Variants in DAB1 observed in about 807,000 individuals in gnomAD.
The protein encoded by DAB1 is disabled homolog 1.
DAB1 carries 15 observed loss-of-function variants against 64.6 expected under a neutral mutation model. The observed-to-expected ratio is 0.23, with a 90% confidence interval of 0.16 to 0.36. The LOEUF is 0.36. Among genes scored for constraint, DAB1 ranks in the 10% least tolerant of loss-of-function variants. The pLI, the probability that DAB1 is intolerant of heterozygous loss-of-function variation, is 1.00. For missense variants in DAB1, 596 were observed against 706.7 expected (o/e 0.84, Z 1.78); for synonymous variants, 235 against 251.9 (o/e 0.93, Z 0.64).
rs1485948692 is a variant in DAB1 at position 58,097,413 on chromosome 1, G to T, written n.387+53098C>A. On this transcript the variant is annotated intron_variant and non_coding_transcript_variant, in intron 5 of 20. Coordinates refer to the DAB1 transcript ENST00000485760. Reference sequence around the variant, plus strand: ...AAAGGTAAGCCATTAATTTTAAGATGATGGTTTAATCACAGTTTTAATGAT... The same window carrying T: ...AAAGGTAAGCCATTAATTTTAAGATTATGGTTTAATCACAGTTTTAATGAT... 2.7e-4 allele frequency among the ~76,000 whole-genome samples: 41 copies of T among 152,174 alleles called. 1 individual carries two copies. Among genetic ancestry groups the T allele is most frequent in the Admixed American group, 2.7e-3 (41 of 15,282 alleles).
At chr1:57,706,401 G>A (rs1160321351) in intron 6 of DAB1, among the ~76,000 whole-genome samples, 1 of 151,874 alleles carries the variant, frequency 6.6e-6, no homozygotes, top group African/African-American at 2.4e-5. Flanking sequence ...AACCTCCCCA[G>A]GCTCAGGTGA....
At chr1:58,147,839 G>T (rs923414454) in intron 5 of DAB1, among the ~76,000 whole-genome samples, 4 of 152,056 alleles carry the variant, frequency 2.6e-5, no homozygotes, top group African/African-American at 9.7e-5. Flanking sequence ...AGTCCATTTT[G>T]CAGTAGAGGA....
chr1:57,928,706 C>T (rs541967331), intron 5 of DAB1, among the ~76,000 whole-genome samples: 4 of 152,278 alleles, frequency 2.6e-5, no homozygotes, highest in Non-Finnish European at 5.9e-5. Flanking sequence ...TCACAAAGTA[C>T]GTAGCCTTTT....
intron 1 of DAB1, among the ~76,000 whole-genome samples, chr1:57,422,750 A>C (rs1311479692): frequency 6.6e-6 from 1 of 152,164 alleles, no homozygotes; most frequent in African/African-American, 2.4e-5. Flanking sequence ...CACGGAGTGA[A>C]ACGTACACAG....
chr1:58,454,135 T>C (rs1161130272), intron 3 of DAB1, among the ~76,000 whole-genome samples: 1 of 152,146 alleles, frequency 6.6e-6, no homozygotes, highest in Non-Finnish European at 1.5e-5. Flanking sequence ...GACTGGGCAT[T>C]CACCTCTGGC....
chr1:57,704,992 AG>A (rs2101736245), intron 6 of DAB1, among the ~76,000 whole-genome samples: 1 of 151,880 alleles, frequency 6.6e-6, no homozygotes, highest in Non-Finnish European at 1.5e-5. Flanking sequence ...CAGGATTAAA[AG>A]TCTGGGAAAA....
intron 7 of DAB1, among the ~76,000 whole-genome samples, chr1:57,439,426 T>TTTTTTTTTTTTTTTGTTTTTTTTTG (rs1685835554): frequency 1.1e-5 from 1 of 94,860 alleles, no homozygotes; most frequent in Non-Finnish European, 2.0e-5. Context: ...AGGTTTTTTC[T>TTTTTTTTTTTTTTTGTTTTTTTTTG]TTTTTTTTTT....
At chr1:57,260,318 T>A (rs1018549201) in intron 2 of DAB1, among the ~76,000 whole-genome samples, 1 of 152,194 alleles carries the variant, frequency 6.6e-6, no homozygotes, top group Non-Finnish European at 1.5e-5. Flanking sequence ...GGGTGCTTAC[T>A]GAGTGTCAGG....
chr1:57,377,834 T>C (rs1681033350), intron 1 of DAB1, among the ~76,000 whole-genome samples: 1 of 152,006 alleles, frequency 6.6e-6, no homozygotes, highest in African/African-American at 2.4e-5. Flanking sequence ...CTAGTAACCC[T>C]GGGGGAGCTG....
chr1:58,166,902 T>C (rs1356240779), intron 4 of DAB1, among the ~76,000 whole-genome samples: 1 of 151,292 alleles, frequency 6.6e-6, no homozygotes, highest in Non-Finnish European at 1.5e-5. Flanking sequence ...TGCACCACCA[T>C]GGGCTGGCTA....
intron 1 of DAB1, among the ~76,000 whole-genome samples, chr1:57,346,509 AT>A (rs1678115205): frequency 6.6e-6 from 1 of 152,190 alleles, no homozygotes; most frequent in South Asian, 2.1e-4. Flanking sequence ...TTCTACTTAT[AT>A]TTTACTTTGT....
exon 3 of DAB1, chr1:58,506,063 A>G: frequency 2.3e-6 from 2 of 866,966 alleles, no homozygotes; most frequent in Non-Finnish European, 2.0e-6. Flanking sequence ...AGCTCACCTG[A>G]GGTATAAGTC....
intron 7 of DAB1, among the ~76,000 whole-genome samples, chr1:57,543,040 T>TAACAGGAG (rs1299526186): frequency 3.3e-5 from 5 of 152,144 alleles, no homozygotes; most frequent in Non-Finnish European, 4.4e-5. Context: ...AGGCATATCC[T>TAACAGGAG]TTAGCCTGGT....
intron 5 of DAB1, among the ~76,000 whole-genome samples, chr1:58,014,880 G>C (rs1020620945): frequency 6.6e-6 from 1 of 152,288 alleles, no homozygotes; most frequent in Non-Finnish European, 1.5e-5. Context: ...ACAAACAAAA[G>C]AAGAAGAAAG....
intron 1 of DAB1, chr1:58,533,835 C>G (rs1418359509): frequency 5.8e-6 from 4 of 688,554 alleles, no homozygotes; most frequent in Non-Finnish European, 1.0e-5. Context: ...AGGCAATTAC[C>G]CAAAACTAAA....
chr1:57,061,358 C>A (rs1325268942), intron 9 of DAB1, among the ~76,000 whole-genome samples: 1 of 152,052 alleles, frequency 6.6e-6, no homozygotes, highest in Non-Finnish European at 1.5e-5. Context: ...GAAAGACTCC[C>A]AACTTGGAGA....
chr1:58,266,568 A>G (rs769581719), intron 4 of DAB1, among the ~76,000 whole-genome samples: 1 of 152,158 alleles, frequency 6.6e-6, no homozygotes, highest in Non-Finnish European at 1.5e-5. Context: ...CTGCCCTCAT[A>G]AAGTTGCAAG....
chr1:57,561,177 C>T (rs1275528693), intron 7 of DAB1, among the ~76,000 whole-genome samples: 1 of 152,168 alleles, frequency 6.6e-6, no homozygotes, highest in African/African-American at 2.4e-5. Flanking sequence ...GGGGAGTTCC[C>T]TATAATCAGT....
chr1:57,853,630 A>G (rs1653629824), intron 1 of DAB1, among the ~76,000 whole-genome samples: 1 of 152,246 alleles, frequency 6.6e-6, no homozygotes, highest in African/African-American at 2.4e-5. Context: ...ACTAAAATCA[A>G]TGGATCAATT....
Sources: gnomAD v4.1 joint callset for allele counts (sites outside exome capture counted in the v4.1 genomes callset) on GRCh38, gnomAD v4.1.1 for gene constraint, MANE v1.5 for transcripts, NCBI Gene and HGNC (gene_info 2026-07-23, HGNC 2026-07-21) for gene names.